The following FRS2 variants were observed in gnomAD, a reference collection of about 807,000 sequenced individuals.
FRS2 encodes the protein FGFR signalling adaptor.
Under a neutral mutation model 43.9 loss-of-function variants are expected in FRS2, and 8 were observed. The observed-to-expected ratio is 0.18, with a 90% confidence interval of 0.11 to 0.33. The LOEUF (loss-of-function observed/expected upper bound fraction) is 0.33. FRS2 is among the 10% of genes least tolerant of loss of function. FRS2 has a pLI of 1.00. For missense variants in FRS2, 534 were observed against 627.6 expected (o/e 0.85, Z 1.59); for synonymous variants, 219 against 220.3 (o/e 0.99, Z 0.05).
intron 1 of FRS2, among the ~76,000 whole-genome samples, chr12:69,525,650 C>T (rs1489634390): frequency 6.6e-6 from 1 of 152,062 alleles, no homozygotes; most frequent in Non-Finnish European, 1.5e-5. Context: ...TCTCTTTCCT[C>T]TCCTTTCCTT....
At chr12:69,497,317 C>G (rs906373519) in intron 1 of FRS2, among the ~76,000 whole-genome samples, 1 of 152,156 alleles carries the variant, frequency 6.6e-6, no homozygotes, top group Non-Finnish European at 1.5e-5. Flanking sequence ...AACAAAATAC[C>G]TTAGACTGGG....
chr12:69,521,611 G>GT (rs1455315555), intron 1 of FRS2, among the ~76,000 whole-genome samples: 4 of 151,516 alleles, frequency 2.6e-5, no homozygotes, highest in African/African-American at 9.7e-5. Context: ...TTTGTTTTTT[G>GT]TTTTTTGTTT....
chr12:69,510,056 T>G (rs1373310927), intron 1 of FRS2, among the ~76,000 whole-genome samples: 2 of 152,186 alleles, frequency 1.3e-5, no homozygotes, highest in East Asian at 3.8e-4. Flanking sequence ...GGGGTTTGAT[T>G]CTGCAGATCT....
chr12:69,508,968 T>G (rs928901329), intron 1 of FRS2, among the ~76,000 whole-genome samples: 1 of 152,188 alleles, frequency 6.6e-6, no homozygotes, highest in African/African-American at 2.4e-5. Flanking sequence ...CACAACTGAG[T>G]CACAAAATTC....
intron 4 of FRS2, among the ~76,000 whole-genome samples, chr12:69,567,900 A>G (rs566608232): frequency 2.0e-4 from 31 of 152,344 alleles, no homozygotes; most frequent in African/African-American, 7.5e-4. Context: ...GATCGGATCT[A>G]TCATACTGAA....
chr12:69,526,727 CTT>C (rs1175830236), intron 1 of FRS2, among the ~76,000 whole-genome samples: 7 of 144,378 alleles, frequency 4.8e-5, no homozygotes, highest in Admixed American at 1.4e-4. Flanking sequence ...AGTGTAGAAA[CTT>C]TTTTTTTTTT....
At chr12:69,494,164 G>T (rs1163049597) in intron 1 of FRS2, among the ~76,000 whole-genome samples, 1 of 152,164 alleles carries the variant, frequency 6.6e-6, no homozygotes, top group African/African-American at 2.4e-5. Flanking sequence ...TGTGCTAGAC[G>T]CTGAGGCTAC....
intron 3 of FRS2, among the ~76,000 whole-genome samples, chr12:69,546,458 A>G (rs491387): frequency 0.093 from 14,209 of 152,086 alleles, 875 homozygotes; most frequent in Non-Finnish European, 0.14. Context: ...GGGTTTTGCT[A>G]TGTTACCTGG....
chr12:69,547,921 C>T (rs575807605), intron 3 of FRS2, among the ~76,000 whole-genome samples: 38 of 147,120 alleles, frequency 2.6e-4, no homozygotes, highest in Non-Finnish European at 4.7e-4. Flanking sequence ...GCTCACACAG[C>T]CTCTGACTTC....
At chr12:69,481,783 A>G (rs1871366812) in intron 1 of FRS2, among the ~76,000 whole-genome samples, 1 of 152,126 alleles carries the variant, frequency 6.6e-6, no homozygotes, top group Non-Finnish European at 1.5e-5. Flanking sequence ...TGATCTGATT[A>G]GCTTTTTGAT....
chr12:69,486,972 G>A (rs1872014290), intron 1 of FRS2, among the ~76,000 whole-genome samples: 1 of 152,252 alleles, frequency 6.6e-6, no homozygotes. Context: ...AGTGCAAGGT[G>A]AAGCAGCAAA....
chr12:69,527,631 T>C (rs762286947), intron 1 of FRS2, among the ~76,000 whole-genome samples: 1 of 152,202 alleles, frequency 6.6e-6, no homozygotes, highest in Non-Finnish European at 1.5e-5. Context: ...TGAGGCTATC[T>C]CTGATTTAGA....
chr12:69,501,219 C>T (rs1033678743), intron 1 of FRS2, among the ~76,000 whole-genome samples: 32 of 151,798 alleles, frequency 2.1e-4, no homozygotes, highest in Non-Finnish European at 7.4e-5. Flanking sequence ...ATTACAACCT[C>T]CCCCCTCCCC....
chr12:69,547,130 A>G (rs1878477968), intron 3 of FRS2, among the ~76,000 whole-genome samples: 1 of 152,218 alleles, frequency 6.6e-6, no homozygotes, highest in Non-Finnish European at 1.5e-5. Context: ...GACAAATGCT[A>G]TGTGATTCTA....
intron 1 of FRS2, among the ~76,000 whole-genome samples, chr12:69,477,302 A>G (rs1375848888): frequency 5.4e-4 from 71 of 130,864 alleles, no homozygotes; most frequent in Middle Eastern, 4.7e-3. Flanking sequence ...TTGGTTTGAG[A>G]CGGAGTCTCG....
intron 1 of FRS2, among the ~76,000 whole-genome samples, chr12:69,529,690 A>G (rs1285094744): frequency 6.6e-6 from 1 of 152,138 alleles, no homozygotes; most frequent in African/African-American, 2.4e-5. Context: ...TTAAGTTAAA[A>G]AAATTCATCT....
At chr12:69,479,507 C>G (rs1193651214) in intron 1 of FRS2, among the ~76,000 whole-genome samples, 1 of 151,370 alleles carries the variant, frequency 6.6e-6, no homozygotes, top group East Asian at 1.9e-4. Flanking sequence ...AAGCAATTCT[C>G]CTGCCTCAGC....
chr12:69,480,817 C>T (rs1449036505), intron 1 of FRS2, among the ~76,000 whole-genome samples: 1 of 151,920 alleles, frequency 6.6e-6, no homozygotes. Flanking sequence ...CCTGATAATC[C>T]AGTATCTGAA....
intron 1 of FRS2, among the ~76,000 whole-genome samples, chr12:69,498,519 T>TTGTGTGTGGG (rs1873118857): frequency 7.1e-6 from 1 of 141,502 alleles, no homozygotes; most frequent in African/African-American, 2.7e-5. Flanking sequence ...TTATGAGGGT[T>TTGTGTGTGGG]TGTGTGTGTG....
Sources: allele counts gnomAD v4.1 joint callset (sites outside exome capture counted in the v4.1 genomes callset), GRCh38; gene constraint gnomAD v4.1.1; transcripts MANE v1.5; gene names NCBI Gene and HGNC (gene_info 2026-07-23, HGNC 2026-07-21).